Variants in XKR4 observed in about 807,000 individuals in gnomAD.
The protein encoded by XKR4 is XK-related protein 4.
In XKR4, 12 loss-of-function variants were observed where a neutral mutation model predicts 53.9. The observed-to-expected ratio is 0.22, with a 90% CI of 0.14 to 0.36. XKR4 has a LOEUF of 0.36. XKR4 is among the 10% of genes least tolerant of loss of function. XKR4 has a pLI of 1.00. For missense variants in XKR4, 799 were observed against 859.5 expected (o/e 0.93, Z 0.88); for synonymous variants, 354 against 362.4 (o/e 0.98, Z 0.26).
intron 1 of XKR4, among the ~76,000 whole-genome samples, chr8:55,183,860 T>C (rs1299863452): frequency 6.6e-6 from 1 of 152,198 alleles, no homozygotes. Context: ...AGCTGGGATT[T>C]GCCTATTTCT....
chr8:55,284,454 A>G (rs1818880212), intron 1 of XKR4, among the ~76,000 whole-genome samples: 1 of 152,062 alleles, frequency 6.6e-6, no homozygotes, highest in African/African-American at 2.4e-5. Context: ...GTTGGAGGAT[A>G]CCCTTCCAAG....
chr8:55,130,545 A>G (rs117592130), intron 1 of XKR4, among the ~76,000 whole-genome samples: 2,712 of 152,258 alleles, frequency 0.018, 37 homozygotes, highest in Middle Eastern at 0.048. Flanking sequence ...AATTTGGGCA[A>G]TTGGGAAACT....
intron 2 of XKR4, among the ~76,000 whole-genome samples, chr8:55,445,822 CA>C (rs1383099856): frequency 6.6e-6 from 1 of 152,170 alleles, no homozygotes; most frequent in Non-Finnish European, 1.5e-5. Context: ...AGAGTAGCAA[CA>C]AGGTTATTTC....
intron 1 of XKR4, among the ~76,000 whole-genome samples, chr8:55,152,484 T>A (rs1339934203): frequency 6.6e-6 from 1 of 152,096 alleles, no homozygotes; most frequent in African/African-American, 2.4e-5. Context: ...TTATGAAAAT[T>A]TTTTTGTCTT....
At chr8:55,347,290 G>A (rs557802611) in intron 1 of XKR4, among the ~76,000 whole-genome samples, 4 of 152,200 alleles carry the variant, frequency 2.6e-5, no homozygotes, top group Non-Finnish European at 5.9e-5. Flanking sequence ...AAGGAGCTGA[G>A]AATTTAAATG....
intron 1 of XKR4, among the ~76,000 whole-genome samples, chr8:55,166,702 T>C (rs976750864): frequency 3.9e-5 from 6 of 152,140 alleles, no homozygotes; most frequent in African/African-American, 1.4e-4. Flanking sequence ...TTATGTGATA[T>C]GTGGGAATAT....
intron 1 of XKR4, among the ~76,000 whole-genome samples, chr8:55,284,031 G>A (rs1818874080): frequency 6.6e-6 from 1 of 152,154 alleles, no homozygotes; most frequent in Admixed American, 6.5e-5. Context: ...TTGACTCATG[G>A]GTGCAACATG....
At chr8:55,277,484 C>G (rs1248949753) in intron 1 of XKR4, among the ~76,000 whole-genome samples, 2 of 152,118 alleles carry the variant, frequency 1.3e-5, no homozygotes, top group Non-Finnish European at 2.9e-5. Context: ...GGATGGGACT[C>G]AAGTCTAAGC....
intron 2 of XKR4, among the ~76,000 whole-genome samples, chr8:55,498,471 T>C (rs1328817462): frequency 6.6e-6 from 1 of 152,142 alleles, no homozygotes; most frequent in Admixed American, 6.5e-5. Flanking sequence ...AGGGGTCACC[T>C]GGCTGCTGTG....
In XKR4 at chr8:55,360,937, C is replaced by T. The variant is rs1011092397; in HGVS notation, c.1006+3060C>T. ...GAGAACTGTTGGAGCATAATTGTTTCTCCATTTGCACTGGCCCAAGAGGCA... is the reference window on the plus strand; with the variant it reads ...GAGAACTGTTGGAGCATAATTGTTTTTCCATTTGCACTGGCCCAAGAGGCA... On this transcript the variant is annotated intron_variant, in intron 2 of 2. Coordinates refer to ENST00000327381, the MANE Select transcript of XKR4 (RefSeq NM_052898.2). Among the ~76,000 whole-genome samples, 4 of 152,314 alleles carry T rather than the reference C, an allele frequency of 2.6e-5. No individual in the cohort carries two copies. The South Asian group carries it at 8.3e-4, about 32-fold the overall frequency.
chr8:55,370,590 T>C (rs991065605), intron 2 of XKR4, among the ~76,000 whole-genome samples: 2 of 152,196 alleles, frequency 1.3e-5, no homozygotes, highest in Non-Finnish European at 2.9e-5. Context: ...AATGAGAAGT[T>C]GTGAAGAGCC....
intron 2 of XKR4, among the ~76,000 whole-genome samples, chr8:55,522,407 G>C (rs907802485): frequency 2.6e-5 from 4 of 152,224 alleles, no homozygotes; most frequent in African/African-American, 9.6e-5. Flanking sequence ...GCTGTAGGAA[G>C]AGTGCCAGAT....
chr8:55,405,005 G>A (rs568547145), intron 2 of XKR4, among the ~76,000 whole-genome samples: 1 of 151,854 alleles, frequency 6.6e-6, no homozygotes, highest in Non-Finnish European at 1.5e-5. Context: ...TTGCCACAAC[G>A]AAAAAAATGT....
intron 2 of XKR4, among the ~76,000 whole-genome samples, chr8:55,447,803 C>A (rs950621521): frequency 6.6e-6 from 1 of 152,182 alleles, no homozygotes; most frequent in African/African-American, 2.4e-5. Flanking sequence ...CCATAAATTC[C>A]TTTTCTTTCT....
Position 55,300,742 on chromosome 8 carries a change from G to A in XKR4, c.807-56936G>A, listed in dbSNP as rs574084182. 3.3e-5 allele frequency among the ~76,000 whole-genome samples: 5 copies of A among 152,062 alleles called. No homozygotes were observed. In the East Asian group the frequency reaches 7.7e-4, roughly 23 times the overall value. On this transcript the variant is annotated intron_variant, in intron 1 of 2. Transcript: ENST00000327381. The stretch of plus-strand genomic sequence containing the variant: ...TGTGGGGGAATAAGGTGCTTCCATC[G>A]TGGGGATGCAAGACAAGAGTCAGGC...
intron 2 of XKR4, among the ~76,000 whole-genome samples, chr8:55,403,383 G>C (rs139207387): frequency 7.9e-5 from 12 of 152,204 alleles, no homozygotes; most frequent in African/African-American, 2.4e-4. Context: ...CTGTGAGAAA[G>C]ATCTATAAAT....
chr8:55,120,412 G>A (rs1352340457), intron 1 of XKR4, among the ~76,000 whole-genome samples: 1 of 152,080 alleles, frequency 6.6e-6, no homozygotes, highest in Non-Finnish European at 1.5e-5. Context: ...TGAGCTATAG[G>A]TGCCTGACTG....
chr8:55,436,483 G>A (rs898106200), intron 2 of XKR4, among the ~76,000 whole-genome samples: 7 of 152,168 alleles, frequency 4.6e-5, no homozygotes, highest in African/African-American at 1.7e-4. Flanking sequence ...GTTTATCCTG[G>A]AAAATTCCTA....
At chr8:55,221,311 G>A (rs1256502294) in intron 1 of XKR4, among the ~76,000 whole-genome samples, 1 of 152,190 alleles carries the variant, frequency 6.6e-6, no homozygotes, top group Non-Finnish European at 1.5e-5. Context: ...TCTCTAAAGA[G>A]GTGTGGTAAA....
Sources: allele counts gnomAD v4.1 joint callset (sites outside exome capture counted in the v4.1 genomes callset), GRCh38; gene constraint gnomAD v4.1.1; transcripts MANE v1.5; gene names NCBI Gene and HGNC (gene_info 2026-07-23, HGNC 2026-07-21).